The following KLHL5 variants were observed in gnomAD, a reference collection of about 807,000 sequenced individuals.
KLHL5 encodes kelch like family member 5.
A neutral mutation model predicts 77.7 loss-of-function variants in KLHL5; 48 were observed. The ratio of observed to expected loss-of-function variants is 0.62; its 90% CI spans 0.49 to 0.79. The LOEUF (loss-of-function observed/expected upper bound fraction) is 0.79, where lower values mean the gene tolerates loss of function less well. KLHL5 is among the 30% of genes least tolerant of loss of function. KLHL5 has a pLI of 0.00. For synonymous variants in KLHL5, 260 were observed against 297.0 expected, an observed-to-expected ratio of 0.88 and a Z score of 1.28; for missense variants, 723 against 859.7, an observed-to-expected ratio of 0.84 and a Z score of 1.99.
chr4:39,103,728 A>G (rs1002750787), intron 7 of KLHL5, among the ~76,000 whole-genome samples: 1 of 152,186 alleles, frequency 6.6e-6, no homozygotes, highest in African/African-American at 2.4e-5. Flanking sequence ...TGGGAGGCCA[A>G]AGCAGGAGGA....
At chr4:39,077,694 TAAAAA>T (rs60744492) in intron 2 of KLHL5, among the ~76,000 whole-genome samples, 1 of 128,626 alleles carries the variant, frequency 7.8e-6, no homozygotes, top group South Asian at 2.5e-4. Flanking sequence ...GAACTAAAGG[TAAAAA>T]AAAAAAAAAA....
intron 1 of KLHL5, among the ~76,000 whole-genome samples, chr4:39,054,628 A>G (rs531866770): frequency 1.2e-4 from 18 of 152,360 alleles, no homozygotes; most frequent in Non-Finnish European, 2.2e-4. Flanking sequence ...TTATACAGCT[A>G]GCTGGTGAGT....
downstream of KLHL5, among the ~76,000 whole-genome samples, chr4:39,130,440 C>T (rs1723754518): frequency 6.6e-6 from 1 of 152,304 alleles, no homozygotes; most frequent in African/African-American, 2.4e-5. Flanking sequence ...CCACAACCTT[C>T]CAGTGTGGGC....
intron 10 of KLHL5, among the ~76,000 whole-genome samples, chr4:39,117,315 A>G (rs545666803): frequency 6.6e-6 from 1 of 152,252 alleles, no homozygotes; most frequent in East Asian, 1.9e-4. Flanking sequence ...ATAATCATAT[A>G]ATAATGATTT....
chr4:39,140,227 T>C, the KLHL5 span, among the ~76,000 whole-genome samples: 1 of 152,074 alleles, frequency 6.6e-6, no homozygotes, highest in African/African-American at 2.4e-5. Flanking sequence ...AGACCCTGTC[T>C]CAAACGAAAC....
At chr4:39,073,173 A>C (rs1718652875) in intron 1 of KLHL5, among the ~76,000 whole-genome samples, 1 of 152,230 alleles carries the variant, frequency 6.6e-6, no homozygotes, top group Non-Finnish European at 1.5e-5. Flanking sequence ...GGCCTTGAAC[A>C]CTGCGACTGA....
chr4:39,056,817 T>A (rs1717040637), intron 1 of KLHL5, among the ~76,000 whole-genome samples: 1 of 152,218 alleles, frequency 6.6e-6, no homozygotes, highest in Non-Finnish European at 1.5e-5. Context: ...TTCCAGTCAC[T>A]CAAATTTGAA....
At chr4:39,139,100 G>GTAGA in the KLHL5 span, among the ~76,000 whole-genome samples, 1 of 152,008 alleles carries the variant, frequency 6.6e-6, no homozygotes, top group Non-Finnish European at 1.5e-5. Context: ...TGTCCAACAT[G>GTAGA]GTGAAACCCC....
At chr4:39,112,828 TAC>T in intron 8 of KLHL5, 190 bp from the exon 9 acceptor site, 1 of 562,642 alleles carries the variant, frequency 1.8e-6, no homozygotes, top group Non-Finnish European at 3.1e-6. Flanking sequence ...TTCATGTATA[TAC>T]AGAGTGATAT....
rs1475905341 is a variant in KLHL5, at chr4:39,081,432, G to C, written c.703+193G>C. Among the ~76,000 whole-genome samples, 1 of 152,100 alleles carries C rather than the reference G, an allele frequency of 6.6e-6. No individual in the cohort carries two copies. The highest frequency in any genetic ancestry group is 2.4e-5 in the African/African-American group (1 of 41,410). On this transcript the variant is annotated intron_variant, in intron 3 of 10. Transcript: ENST00000504108. The surrounding 1 kb of genome is among the most constrained non-coding windows in gnomAD (Gnocchi z 4.3). The stretch of plus-strand genomic sequence containing the variant: ...CCTTTAAAATGGTTATCATAATTAA[G>C]TTTTTGAATGGCCCTTTAAAATGTT...
At chr4:39,068,294 G>A (rs556992633) in intron 1 of KLHL5, among the ~76,000 whole-genome samples, 1 of 152,092 alleles carries the variant, frequency 6.6e-6, no homozygotes, top group South Asian at 2.1e-4. Flanking sequence ...TGTGTTTCCA[G>A]GGATAGCAGA....
chr4:39,104,988 C>T (rs1411897669), intron 7 of KLHL5, among the ~76,000 whole-genome samples: 2 of 152,104 alleles, frequency 1.3e-5, no homozygotes, highest in Admixed American at 1.3e-4. Context: ...TGGTCTCGAT[C>T]TCTTGACCTC....
intron 1 of KLHL5, among the ~76,000 whole-genome samples, chr4:39,070,967 T>G (rs1031512606): frequency 6.6e-6 from 1 of 152,148 alleles, no homozygotes; most frequent in African/African-American, 2.4e-5. Context: ...CAGTAGCAAT[T>G]ATACTCCAAT....
chr4:39,066,106 C>G (rs1356887293), intron 1 of KLHL5, among the ~76,000 whole-genome samples: 2 of 152,240 alleles, frequency 1.3e-5, no homozygotes, highest in Non-Finnish European at 2.9e-5. Context: ...GACTTTGCCT[C>G]TGTAGCCTAG....
At chr4:39,127,486 C>T (rs1723601830), downstream of KLHL5, among the ~76,000 whole-genome samples, 1 of 152,054 alleles carries the variant, frequency 6.6e-6, no homozygotes. Flanking sequence ...CTTGCTCTGT[C>T]GCCCAGGCTG....
rs574188692 is a variant in KLHL5 at position 39,115,463 on chromosome 4, C to T, written c.2073+133C>T. On this transcript the variant is annotated intron_variant, in intron 10 of 10. Transcript: ENST00000504108. ...AATATGACAATCACGTTTTGATTAG[C>T]GATGAGAAAAAGAGGCAATGTTTAA... 1,266 of 1,520,354 alleles carry T rather than the reference C, an allele frequency of 8.3e-4. 5 individuals carry two copies. Among genetic ancestry groups the T allele is most frequent in the South Asian group, 4.5e-3 (361 of 79,408 alleles). 94.2% of individuals were successfully genotyped at this position (1,520,354 alleles called of 1,614,324 possible). A position where few individuals can be genotyped will look rare whatever the true frequency, so the allele number is the denominator to read the frequency against.
rs990728590 is a variant in KLHL5 at position 39,081,985 on chromosome 4, T to C, written c.726T>C (p.Asp242=). The C allele has an allele frequency of 6.2e-7, 1 of 1,601,808 alleles. No individual in the cohort carries two copies. Among genetic ancestry groups the C allele is most frequent in the East Asian group, 2.2e-5 (1 of 44,810 alleles). ...AAGGCCGCCTTGAATTAAAAGAAGA[T>C]AATATTGAGTGCCTGTTATCTACAG... ...AYTGRLELKE[D]NIECLLSTAC... is the part of the protein sequence containing the mutation. The change falls in exon 4 of 11, where the codon GAT becomes GAC. Residue 242 remains aspartate, a synonymous_variant. Transcript: ENST00000504108. The surrounding 1 kb of genome is among the most constrained non-coding windows in gnomAD (Gnocchi z 4.3).
the KLHL5 span, among the ~76,000 whole-genome samples, chr4:39,138,613 G>A: frequency 6.6e-6 from 1 of 152,134 alleles, no homozygotes; most frequent in Non-Finnish European, 1.5e-5. Flanking sequence ...AGGGTGGAGG[G>A]TGGGAGGAGG....
intron 1 of KLHL5, among the ~76,000 whole-genome samples, chr4:39,065,280 C>T (rs1341819842): frequency 6.6e-6 from 1 of 151,870 alleles, no homozygotes; most frequent in Non-Finnish European, 1.5e-5. Flanking sequence ...AGCAGTCAGA[C>T]TTCTCTAAGT....
Sources: gnomAD v4.1 joint callset for allele counts (sites outside exome capture counted in the v4.1 genomes callset) on GRCh38, gnomAD v4.1.1 for gene constraint, Gnocchi (gnomAD v3.1) non-coding constraint, MANE v1.5 for transcripts, NCBI Gene and HGNC (gene_info 2026-07-23, HGNC 2026-07-21) for gene names.